Variants in RBFOX1 observed in about 807,000 individuals in gnomAD.
RBFOX1 encodes RNA binding fox-1 homolog 1.
Under a neutral mutation model 57.7 loss-of-function variants are expected in RBFOX1, and 8 were observed. That is an observed-to-expected ratio of 0.14 (90% CI 0.08 to 0.25). The LOEUF is 0.25. Ranked by LOEUF, RBFOX1 falls within the 10% of genes least tolerant of loss-of-function variation. The probability of loss-of-function intolerance (pLI) is 1.00; values close to 1 mark genes in which losing one functional copy is unlikely to be tolerated. For missense variants in RBFOX1, 611 were observed against 548.5 expected (o/e 1.11, Z -1.14); for synonymous variants, 326 against 222.4 (o/e 1.47, Z -4.15).
chr16:6,693,342 C>A (rs1202902251), intron 3 of RBFOX1, among the ~76,000 whole-genome samples: 1 of 151,290 alleles, frequency 6.6e-6, no homozygotes, highest in South Asian at 2.1e-4. Flanking sequence ...CATCCGTCTC[C>A]ACTAGCATCA....
chr16:6,311,826 A>T (rs1316981131), intron 1 of RBFOX1, among the ~76,000 whole-genome samples: 1 of 152,064 alleles, frequency 6.6e-6, no homozygotes, highest in African/African-American at 2.4e-5. Context: ...CTTCCTGTCT[A>T]GTTCACTTCT....
At chr16:7,675,931 T>C (rs1302743166) in intron 13 of RBFOX1, among the ~76,000 whole-genome samples, 3 of 152,234 alleles carry the variant, frequency 2.0e-5, no homozygotes, top group Non-Finnish European at 4.4e-5. Flanking sequence ...GAAGCTCTGT[T>C]ATATTCACAG....
chr16:6,557,038 T>TATATACAC (rs1555548812), intron 2 of RBFOX1, among the ~76,000 whole-genome samples: 10 of 129,564 alleles, frequency 7.7e-5, no homozygotes, highest in African/African-American at 3.6e-4. Flanking sequence ...TATATACACA[T>TATATACAC]ATATATACAT....
intron 3 of RBFOX1, among the ~76,000 whole-genome samples, chr16:6,915,605 C>T (rs1371280996): frequency 6.9e-6 from 1 of 144,538 alleles, no homozygotes; most frequent in Non-Finnish European, 1.5e-5. Context: ...GGCTGGAGTG[C>T]AGTGCCATGA....
chr16:7,076,045 T>C (rs2058234704), intron 4 of RBFOX1, among the ~76,000 whole-genome samples: 2 of 151,116 alleles, frequency 1.3e-5, no homozygotes, highest in African/African-American at 4.9e-5. Flanking sequence ...GGCTTTTTTT[T>C]TTTTTCTTTT....
At chr16:6,269,270 T>C (rs937296910) in intron 1 of RBFOX1, among the ~76,000 whole-genome samples, 15 of 152,340 alleles carry the variant, frequency 9.8e-5, no homozygotes, top group Admixed American at 9.8e-4. Context: ...TGTATTATTT[T>C]TATTGTATTG....
At chr16:6,938,873 A>G (rs1054138993) in intron 3 of RBFOX1, among the ~76,000 whole-genome samples, 1 of 152,178 alleles carries the variant, frequency 6.6e-6, no homozygotes, top group East Asian at 1.9e-4. Context: ...CAGAGGTAGC[A>G]GTGAGCCGAG....
At chr16:6,280,467 G>A (rs2076259357) in intron 1 of RBFOX1, among the ~76,000 whole-genome samples, 1 of 152,144 alleles carries the variant, frequency 6.6e-6, no homozygotes, top group African/African-American at 2.4e-5. Flanking sequence ...GCAATGAAGA[G>A]TGAAAAAGAT....
At chr16:6,336,439 G>T (rs1248038459) in intron 2 of RBFOX1, among the ~76,000 whole-genome samples, 5 of 151,732 alleles carry the variant, frequency 3.3e-5, no homozygotes, top group Admixed American at 2.6e-4. Flanking sequence ...CTATGGCTCT[G>T]AGAAGTCAAG....
chr16:7,497,257 C>G (rs960361260), intron 4 of RBFOX1, among the ~76,000 whole-genome samples: 2 of 152,180 alleles, frequency 1.3e-5, no homozygotes, highest in East Asian at 1.9e-4. Flanking sequence ...CTTCACCACA[C>G]CTATACTCCA....
At chr16:5,282,702 G>A (rs910227861) in intron 1 of RBFOX1, among the ~76,000 whole-genome samples, 2 of 152,214 alleles carry the variant, frequency 1.3e-5, no homozygotes, top group Non-Finnish European at 2.9e-5. Flanking sequence ...AGATTTCTAA[G>A]CAGCAAAGCA....
intron 5 of RBFOX1, 44 bp downstream of exon 5, chr16:7,518,433 G>GC: frequency 6.4e-7 from 1 of 1,560,968 alleles, no homozygotes; most frequent in South Asian, 1.2e-5. Context: ...ATGGGGAGGC[G>GC]CCCCCAGCCC....
rs558326601 is a variant in RBFOX1 at position 6,846,234 on chromosome 16, T to C, written c.-16+191584T>C. ...AGGGTGTGTGCATGTTTTCAGTCTGTGTGATAGCTTCACCTCCTATTACGT... is the reference window on the plus strand; with the variant it reads ...AGGGTGTGTGCATGTTTTCAGTCTGCGTGATAGCTTCACCTCCTATTACGT... On this transcript the variant is annotated intron_variant, in intron 3 of 15. Coordinates refer to ENST00000550418, the MANE Select transcript of RBFOX1 (RefSeq NM_018723.4). Among the ~76,000 whole-genome samples, 4 of 152,328 alleles carry C rather than the reference T, an allele frequency of 2.6e-5. No individual in the cohort carries two copies. The South Asian group carries it at 8.3e-4, about 32-fold the overall frequency.
chr16:6,651,296 A>C (rs989882983), intron 2 of RBFOX1, among the ~76,000 whole-genome samples: 3 of 152,186 alleles, frequency 2.0e-5, no homozygotes, highest in Non-Finnish European at 4.4e-5. Flanking sequence ...AGACCGTGCA[A>C]CGGCCCCAGG....
chr16:6,104,638 C>A (rs897685795), intron 1 of RBFOX1, among the ~76,000 whole-genome samples: 1 of 152,106 alleles, frequency 6.6e-6, no homozygotes, highest in African/African-American at 2.4e-5. Flanking sequence ...TTCAAAATAG[C>A]CCAGAAGTGT....
chr16:7,584,348 A>C (rs2093978671), intron 6 of RBFOX1, among the ~76,000 whole-genome samples: 1 of 152,134 alleles, frequency 6.6e-6, no homozygotes, highest in Non-Finnish European at 1.5e-5. Flanking sequence ...GCTGGAGTGC[A>C]ATGGCACAAT....
chr16:6,086,640 A>C (rs1432755516), intron 1 of RBFOX1, among the ~76,000 whole-genome samples: 1 of 152,172 alleles, frequency 6.6e-6, no homozygotes, highest in Non-Finnish European at 1.5e-5. Context: ...ATTATATCTG[A>C]ACTCATATCA....
chr16:6,948,815 C>G (rs921294106), intron 3 of RBFOX1, among the ~76,000 whole-genome samples: 2 of 152,134 alleles, frequency 1.3e-5, no homozygotes, highest in Non-Finnish European at 2.9e-5. Context: ...TAGCCTAAAT[C>G]CTAGAGAGAT....
intron 3 of RBFOX1, among the ~76,000 whole-genome samples, chr16:6,867,660 A>G (rs905545021): frequency 6.6e-6 from 1 of 152,194 alleles, no homozygotes; most frequent in African/African-American, 2.4e-5. Flanking sequence ...CAGAGGTTGC[A>G]GTGAGTGCCG....
Sources: allele counts gnomAD v4.1 joint callset (sites outside exome capture counted in the v4.1 genomes callset), GRCh38; gene constraint gnomAD v4.1.1; transcripts MANE v1.5; gene names NCBI Gene and HGNC (gene_info 2026-07-23, HGNC 2026-07-21).